Variants in LHFPL6 observed in about 807,000 individuals in gnomAD.
LHFPL6 encodes the protein LHFPL tetraspan subfamily member 6, also known as LHFPL tetraspan subfamily member 6 protein.
LHFPL6 carries 9 observed loss-of-function variants against 20.6 expected under a neutral mutation model. The observed-to-expected ratio is 0.44, with a 90% confidence interval of 0.26 to 0.76. LHFPL6 has a LOEUF of 0.76. Among genes scored for constraint, LHFPL6 ranks in the 30% least tolerant of loss-of-function variants. LHFPL6 has a pLI of 0.20. For missense variants in LHFPL6, 218 were observed against 253.5 expected (o/e 0.86, Z 0.95); for synonymous variants, 105 against 98.7 (o/e 1.06, Z -0.38).
In LHFPL6 at chr13:39,387,894, A is replaced by G. The variant is rs112547269; in HGVS notation, c.386-9368T>C. Among the ~76,000 whole-genome samples, 580 of 152,280 alleles carry G rather than the reference A, an allele frequency of 3.8e-3. 9 individuals are homozygous for G. Among genetic ancestry groups the G allele is most frequent in the African/African-American group, 0.013 (544 of 41,548 alleles). On this transcript the variant is annotated intron_variant, in intron 2 of 3. Transcript: ENST00000379589. The stretch of plus-strand genomic sequence containing the variant: ...TGCTTTAGCCACAGGGAAGTCTCCC[A>G]CTGCTGCCTGTGACTAACGACAAGG...
chr13:39,449,597 A>T (rs1368743843), intron 2 of LHFPL6, among the ~76,000 whole-genome samples: 1 of 152,170 alleles, frequency 6.6e-6, no homozygotes, highest in Non-Finnish European at 1.5e-5. Flanking sequence ...AATTGACGAA[A>T]CAGACTGCCT....
intron 2 of LHFPL6, among the ~76,000 whole-genome samples, chr13:39,585,383 G>A (rs996069414): frequency 4.6e-5 from 7 of 152,310 alleles, no homozygotes; most frequent in South Asian, 4.1e-4. Flanking sequence ...ACAAGAGTAC[G>A]TTTTGTGTGT....
chr13:39,602,517 A>C (rs1872989869), intron 1 of LHFPL6, among the ~76,000 whole-genome samples: 1 of 152,082 alleles, frequency 6.6e-6, no homozygotes, highest in African/African-American at 2.4e-5. Context: ...GCCTGCGGGC[A>C]GGGGGCCCCC....
intron 2 of LHFPL6, among the ~76,000 whole-genome samples, chr13:39,474,219 C>T (rs1412172941): frequency 6.6e-6 from 1 of 152,160 alleles, no homozygotes; most frequent in East Asian, 1.9e-4. Flanking sequence ...AATGTTTAAG[C>T]AATATCACTT....
intron 2 of LHFPL6, among the ~76,000 whole-genome samples, chr13:39,417,856 T>C (rs560950046): frequency 6.6e-6 from 1 of 152,236 alleles, no homozygotes; most frequent in South Asian, 2.1e-4. Flanking sequence ...GTATGATTCA[T>C]AACACAAACA....
intron 2 of LHFPL6, among the ~76,000 whole-genome samples, chr13:39,442,096 T>G (rs1872155073): frequency 6.6e-6 from 1 of 152,152 alleles, no homozygotes; most frequent in African/African-American, 2.4e-5. Context: ...CCCATAGTGC[T>G]GGGATTACAG....
At chr13:39,396,366 A>G (rs1870842559) in intron 2 of LHFPL6, among the ~76,000 whole-genome samples, 1 of 152,198 alleles carries the variant, frequency 6.6e-6, no homozygotes, top group Non-Finnish European at 1.5e-5. Context: ...AAACAGAGGT[A>G]TATTGAGGTC....
intron 3 of LHFPL6, among the ~76,000 whole-genome samples, chr13:39,375,445 C>A (rs78005279): frequency 0.1 from 15,934 of 152,138 alleles, 873 homozygotes; most frequent in East Asian, 0.15. Context: ...AATCCCAGCA[C>A]TTTGGGAGGC....
intron 2 of LHFPL6, among the ~76,000 whole-genome samples, chr13:39,539,089 C>T (rs1870715405): frequency 6.6e-6 from 1 of 152,142 alleles, no homozygotes; most frequent in Admixed American, 6.5e-5. Flanking sequence ...GACTCACAGG[C>T]CATAGTTTTC....
intron 2 of LHFPL6, among the ~76,000 whole-genome samples, chr13:39,564,933 A>G (rs1418119800): frequency 6.6e-6 from 1 of 152,160 alleles, no homozygotes; most frequent in Non-Finnish European, 1.5e-5. Flanking sequence ...ACATCGTTCA[A>G]TAAGAAGTAA....
intron 2 of LHFPL6, among the ~76,000 whole-genome samples, chr13:39,479,612 T>C (rs1452204579): frequency 6.6e-6 from 1 of 152,222 alleles, no homozygotes; most frequent in Non-Finnish European, 1.5e-5. Context: ...ATTTTTCTTT[T>C]GGAAATCGGC....
chr13:39,459,412 G>C (rs887686268), intron 2 of LHFPL6, among the ~76,000 whole-genome samples: 15 of 151,354 alleles, frequency 9.9e-5, no homozygotes, highest in African/African-American at 3.7e-4. Context: ...ACAAACCTGA[G>C]AACATGCTGC....
chr13:39,451,923 AAT>A (rs1872454563), intron 2 of LHFPL6, among the ~76,000 whole-genome samples: 2 of 152,148 alleles, frequency 1.3e-5, no homozygotes, highest in African/African-American at 2.4e-5. Context: ...AACTACAGGA[AAT>A]ATGTGTGTGT....
At chr13:39,424,095 T>G (rs948536188) in intron 2 of LHFPL6, among the ~76,000 whole-genome samples, 1 of 152,252 alleles carries the variant, frequency 6.6e-6, no homozygotes, top group African/African-American at 2.4e-5. Flanking sequence ...CAACACATAT[T>G]ATATATTTTT....
chr13:39,551,652 G>A (rs2138512355), intron 2 of LHFPL6, among the ~76,000 whole-genome samples: 1 of 152,138 alleles, frequency 6.6e-6, no homozygotes, highest in African/African-American at 2.4e-5. Flanking sequence ...AGTCTGATTG[G>A]GAATGCATTG....
Position 39,383,337 on chromosome 13 carries a change from C to T in LHFPL6, c.386-4811G>A, listed in dbSNP as rs1204305092. On this transcript the variant is annotated intron_variant, in intron 2 of 3. Transcript: ENST00000379589. ...TGGAAGTGGAGAGGGAGCACAGGTCCAAAGAGAAAGATCTTAACCTGGACT... is the reference window on the plus strand; with the variant it reads ...TGGAAGTGGAGAGGGAGCACAGGTCTAAAGAGAAAGATCTTAACCTGGACT... Among the ~76,000 whole-genome samples the T allele has an allele frequency of 3.9e-5, 6 of 152,268 alleles. No homozygotes were observed. In the East Asian group the frequency reaches 9.6e-4, roughly 24 times the overall value.
intron 2 of LHFPL6, among the ~76,000 whole-genome samples, chr13:39,396,973 G>A (rs1870858843): frequency 6.6e-6 from 1 of 152,116 alleles, no homozygotes; most frequent in Non-Finnish European, 1.5e-5. Context: ...GCATGGCCCT[G>A]CCAACAACTT....
chr13:39,358,992 GA>G lies in LHFPL6; in HGVS notation c.485-14939del, dbSNP rs1869804031. 2.6e-5 allele frequency among the ~76,000 whole-genome samples: 4 copies of G among 152,134 alleles called. No individual in the cohort carries two copies. The South Asian group carries it at 8.3e-4, about 32-fold the overall frequency. ...TCTAGAACAGCCTGGCCAACATGGTGAAACCCCATCTCTACTAAAAATACAA... is the reference window on the plus strand; with the variant it reads ...TCTAGAACAGCCTGGCCAACATGGTGAACCCCATCTCTACTAAAAATACAA... On this transcript the variant is annotated intron_variant, in intron 3 of 3. Transcript: ENST00000379589.
intron 2 of LHFPL6, among the ~76,000 whole-genome samples, chr13:39,444,295 A>G (rs1872226289): frequency 6.6e-6 from 1 of 152,256 alleles, no homozygotes; most frequent in Admixed American, 6.5e-5. Context: ...AGCAGAATGG[A>G]AAGATTTGGA....
Sources: allele counts gnomAD v4.1 joint callset (sites outside exome capture counted in the v4.1 genomes callset), GRCh38; gene constraint gnomAD v4.1.1; transcripts MANE v1.5; gene names NCBI Gene and HGNC (gene_info 2026-07-23, HGNC 2026-07-21).